FILIP1L: variants seen among roughly 807,000 people sequenced by gnomAD.
FILIP1L encodes filamin A-interacting protein 1-like.
In FILIP1L, 55 loss-of-function variants were observed where a neutral mutation model predicts 96.6. That is an observed-to-expected ratio of 0.57 (90% CI 0.46 to 0.71). FILIP1L has a LOEUF of 0.71. Ranked by LOEUF, FILIP1L falls within the 30% of genes least tolerant of loss-of-function variation. The pLI is 0.00. For synonymous variants in FILIP1L, 467 were observed against 473.9 expected, an observed-to-expected ratio of 0.99 and a Z score of 0.19; for missense variants, 1,304 against 1,321.2, an observed-to-expected ratio of 0.99 and a Z score of 0.20.
intron 1 of FILIP1L, among the ~76,000 whole-genome samples, chr3:99,995,182 G>A (rs1295617016): frequency 6.6e-6 from 1 of 152,166 alleles, no homozygotes; most frequent in Non-Finnish European, 1.5e-5. Flanking sequence ...TACAATGTGG[G>A]TACAGGTATT....
chr3:99,837,911 CTTGGGTCA>C (rs1366185147), intron 5 of FILIP1L, among the ~76,000 whole-genome samples: 1 of 152,282 alleles, frequency 6.6e-6, no homozygotes, highest in East Asian at 1.9e-4. Context: ...TTCTGAAAGT[CTTGGGTCA>C]TTATCATAAC....
chr3:99,920,191 A>T (rs557471027), intron 4 of FILIP1L, among the ~76,000 whole-genome samples: 9 of 152,236 alleles, frequency 5.9e-5, no homozygotes, highest in Non-Finnish European at 1.0e-4. Flanking sequence ...GCAGTAACAT[A>T]TATGGATAGC....
intron 1 of FILIP1L, among the ~76,000 whole-genome samples, chr3:99,939,144 G>C (rs2107674196): frequency 6.6e-6 from 1 of 152,288 alleles, no homozygotes; most frequent in Non-Finnish European, 1.5e-5. Context: ...GCCACAGAGA[G>C]AAAATCAAAT....
At chr3:99,947,609 T>A (rs1206372950) in intron 1 of FILIP1L, among the ~76,000 whole-genome samples, 1 of 152,200 alleles carries the variant, frequency 6.6e-6, no homozygotes, top group Non-Finnish European at 1.5e-5. Context: ...GTTCGTTGTT[T>A]TAAAGTCATG....
chr3:100,086,088 TA>T (rs2066004017), intron 1 of FILIP1L, among the ~76,000 whole-genome samples: 1 of 152,198 alleles, frequency 6.6e-6, no homozygotes, highest in Non-Finnish European at 1.5e-5. Flanking sequence ...CTCCAGGTAA[TA>T]AAATAGCTTT....
At chr3:100,012,570 G>C (rs528589199) in intron 1 of FILIP1L, among the ~76,000 whole-genome samples, 1 of 152,216 alleles carries the variant, frequency 6.6e-6, no homozygotes, top group Admixed American at 6.5e-5. Context: ...GGCTGGGAGA[G>C]GTTCTAGTGC....
Position 100,073,492 on chromosome 3 carries a change from G to T in FILIP1L, c.-11+40561C>A, listed in dbSNP as rs528059701. On this transcript the variant is annotated intron_variant, in intron 1 of 5. Transcript: ENST00000477258. ...GGGGTAGAGGAGATTGCAGGGAATTGTAGGCTTAGGTCAAGAAAACAGAAA... is the reference window on the plus strand; with the variant it reads ...GGGGTAGAGGAGATTGCAGGGAATTTTAGGCTTAGGTCAAGAAAACAGAAA... Among the ~76,000 whole-genome samples, 5 of 152,294 alleles carry T rather than the reference G, an allele frequency of 3.3e-5. No homozygotes were observed. The South Asian group carries it at 1.0e-3, about 32-fold the overall frequency.
intron 1 of FILIP1L, among the ~76,000 whole-genome samples, chr3:100,014,887 C>CTTTT (rs1559725867): frequency 2.2e-4 from 7 of 32,462 alleles, no homozygotes; most frequent in East Asian, 8.7e-4. Flanking sequence ...TTTTTTTTTT[C>CTTTT]TTTCTTTCTT....
intron 1 of FILIP1L, among the ~76,000 whole-genome samples, chr3:99,969,434 C>T (rs546322460): frequency 9.9e-4 from 150 of 152,200 alleles, no homozygotes; most frequent in African/African-American, 3.4e-3. Context: ...TATATAGTTG[C>T]GTCAATCTGA....
At chr3:99,928,970 T>C (rs1288511899) in intron 3 of FILIP1L, among the ~76,000 whole-genome samples, 1 of 152,236 alleles carries the variant, frequency 6.6e-6, no homozygotes, top group Non-Finnish European at 1.5e-5. Context: ...TCTCATGAGA[T>C]ACTAAAGACG....
intron 1 of FILIP1L, among the ~76,000 whole-genome samples, chr3:100,058,758 G>T (rs940669016): frequency 6.6e-6 from 1 of 152,172 alleles, no homozygotes; most frequent in African/African-American, 2.4e-5. Flanking sequence ...GAAGGAGGAC[G>T]CTGTATAACC....
intron 1 of FILIP1L, among the ~76,000 whole-genome samples, chr3:100,005,643 A>G (rs1709965679): frequency 6.6e-6 from 1 of 152,218 alleles, no homozygotes; most frequent in African/African-American, 2.4e-5. Context: ...AGCCAGAAAT[A>G]TTTGTTTTAA....
At chr3:100,090,313 C>T (rs1232412360) in intron 1 of FILIP1L, among the ~76,000 whole-genome samples, 1 of 152,180 alleles carries the variant, frequency 6.6e-6, no homozygotes, top group African/African-American at 2.4e-5. Flanking sequence ...AACATTAGCT[C>T]ACTGAAAATA....
At chr3:99,955,138 C>T (rs1181574563) in intron 1 of FILIP1L, among the ~76,000 whole-genome samples, 1 of 152,210 alleles carries the variant, frequency 6.6e-6, no homozygotes, top group East Asian at 1.9e-4. Flanking sequence ...AGGCCCCTTT[C>T]AATTCTATGG....
At position 99,833,375 on chromosome 3, in the gene FILIP1L, C is replaced by T. The variant is rs993329331; in HGVS notation, c.3382-2770G>A. The T allele has an allele frequency of 3.6e-6, 3 of 827,590 alleles. No individual in the cohort carries two copies. The African/African-American group carries it at 5.3e-5, about 15-fold the overall frequency. The allele number at this position is 827,590 out of a possible 1,614,324, so 51.3% of individuals were successfully genotyped here. Reference sequence around the variant, plus strand: ...AGAAACCTAGCAATCTAGAAGACTCCCTGGTTACAGTGAGTTATTAGAAGG... The same window carrying T: ...AGAAACCTAGCAATCTAGAAGACTCTCTGGTTACAGTGAGTTATTAGAAGG... On this transcript the variant is annotated intron_variant, in intron 5 of 5. Coordinates refer to ENST00000477258, the MANE Select transcript of FILIP1L (RefSeq NM_001387850.1).
intron 1 of FILIP1L, among the ~76,000 whole-genome samples, chr3:100,108,019 C>T (rs974713872): frequency 3.9e-5 from 6 of 151,916 alleles, no homozygotes; most frequent in African/African-American, 1.4e-4. Context: ...TTCTTAATGC[C>T]AAAACCATGA....
At chr3:99,920,526 G>A (rs1446441910) in intron 4 of FILIP1L, among the ~76,000 whole-genome samples, 1 of 152,190 alleles carries the variant, frequency 6.6e-6, no homozygotes, top group African/African-American at 2.4e-5. Flanking sequence ...TCCACATGTT[G>A]GAGCTGGTCA....
intron 1 of FILIP1L, chr3:100,041,270 T>C (rs1575978096): frequency 6.6e-6 from 1 of 152,326 alleles, no homozygotes; most frequent in Non-Finnish European, 1.5e-5. Context: ...TGGCTTTTTA[T>C]GGCTGGTTTG....
intron 1 of FILIP1L, among the ~76,000 whole-genome samples, chr3:100,018,151 T>C (rs1710398906): frequency 6.6e-6 from 1 of 151,764 alleles, no homozygotes; most frequent in African/African-American, 2.4e-5. Flanking sequence ...CATGGTGAAA[T>C]CTCGTCTCTA....
Sources: allele counts gnomAD v4.1 joint callset (sites outside exome capture counted in the v4.1 genomes callset), GRCh38; gene constraint gnomAD v4.1.1; transcripts MANE v1.5; gene names NCBI Gene and HGNC (gene_info 2026-07-23, HGNC 2026-07-21).